Variants in KY observed in about 807,000 individuals in gnomAD.
The protein encoded by KY is kyphoscoliosis peptidase.
KY carries 43 observed loss-of-function variants against 76.1 expected under a neutral mutation model. That is an observed-to-expected ratio of 0.57 (90% CI 0.44 to 0.73). KY has a LOEUF of 0.73. Among genes scored for constraint, KY ranks in the 30% least tolerant of loss-of-function variants. KY has a pLI of 0.00. For synonymous variants in KY, 277 were observed against 326.2 expected (o/e 0.85, Z 1.63); for missense variants, 722 against 828.9 (o/e 0.87, Z 1.58).
chr3:134,608,438 A>G (rs1959640638), intron 10 of KY: 1 of 1,514,176 alleles, frequency 6.6e-7, no homozygotes, highest in Non-Finnish European at 8.8e-7. Flanking sequence ...GTCCCTGCTG[A>G]TGTGGCCTAT....
chr3:134,611,819 GCCTCC>G (rs1487498369), intron 8 of KY, among the ~76,000 whole-genome samples: 1 of 152,236 alleles, frequency 6.6e-6, no homozygotes, highest in East Asian at 1.9e-4. Context: ...GGGCCACGGA[GCCTCC>G]CAGGGGAATG....
chr3:134,614,911 G>A (rs1418722930), intron 8 of KY, among the ~76,000 whole-genome samples: 2 of 152,182 alleles, frequency 1.3e-5, no homozygotes, highest in African/African-American at 4.8e-5. Flanking sequence ...CCTAGGATGT[G>A]TGAGCCAAGT....
intron 1 of KY, among the ~76,000 whole-genome samples, chr3:134,649,821 A>G (rs534640306): frequency 5.8e-4 from 88 of 152,368 alleles, no homozygotes; most frequent in African/African-American, 2.1e-3. Context: ...TGGATGTTCA[A>G]TGAGCACAGA....
chr3:134,647,715 G>T (rs183949622), intron 1 of KY, among the ~76,000 whole-genome samples: 266 of 152,338 alleles, frequency 1.7e-3, no homozygotes, highest in African/African-American at 6.1e-3. Context: ...GGGCAGCAGG[G>T]TTGGTTATCA....
At chr3:134,641,721 C>G (rs1291557304) in intron 3 of KY, among the ~76,000 whole-genome samples, 1 of 152,124 alleles carries the variant, frequency 6.6e-6, no homozygotes, top group Non-Finnish European at 1.5e-5. Context: ...CCCGCACAGC[C>G]CCAGACCCCA....
intron 10 of KY, among the ~76,000 whole-genome samples, chr3:134,605,208 C>A (rs2107740309): frequency 1.3e-5 from 2 of 152,260 alleles, no homozygotes; most frequent in South Asian, 4.2e-4. Flanking sequence ...GTTCTCCAGT[C>A]TTTGTAGCCC....
At chr3:134,643,186 A>G in intron 3 of KY, 130 bp downstream of exon 3, 2 of 762,314 alleles carry the variant, frequency 2.6e-6, no homozygotes, top group South Asian at 1.8e-5. Flanking sequence ...GGGTTTTCCA[A>G]CACCCATGGG....
chr3:134,612,039 A>G (rs920591548), intron 8 of KY, among the ~76,000 whole-genome samples: 1 of 152,218 alleles, frequency 6.6e-6, no homozygotes, highest in African/African-American at 2.4e-5. Flanking sequence ...CATGCATGCA[A>G]TGATGAGGTG....
Position 134,601,420 on chromosome 3 carries a change from G to A in KY, c.*2159C>T, listed in dbSNP as rs1958958282. On this transcript the variant is annotated 3_prime_UTR_variant, in exon 11 of 11. Coordinates refer to ENST00000423778, the MANE Select transcript of KY (RefSeq NM_178554.6). ...GAAAAGGTATGGGGGTCTCCAGCAG[G>A]ACTAAGCGAGGCAGCCAGCGCGGGG... Among the ~76,000 whole-genome samples the A allele has an allele frequency of 6.6e-6, 1 of 152,224 alleles. No homozygotes were observed. The highest frequency in any genetic ancestry group is 2.1e-4 in the South Asian group (1 of 4,832).
rs749501932 is a variant in KY, at chr3:134,643,326, G to A, written c.252C>T (p.Tyr84=). 3 of 1,613,806 alleles carry A rather than the reference G, an allele frequency of 1.9e-6. No homozygotes were observed. Among genetic ancestry groups the A allele is most frequent in the Non-Finnish European group, 2.5e-6 (3 of 1,179,878 alleles). The change falls in exon 3 of 11, where the codon TAC becomes TAT. Residue 84 remains tyrosine (Y), a synonymous_variant. Coordinates refer to ENST00000423778, the MANE Select transcript of KY (RefSeq NM_178554.6). ...CGGCGAATCACTTACCTTGGCTGTT[G>A]TAGGAAGTGATGACCTGGGGCTGCT... The part of the protein sequence containing the change: ...HPQQPQVITS[Y]NSQGTQLTVE...
intron 10 of KY, chr3:134,607,732 C>T: frequency 2.0e-6 from 2 of 985,822 alleles, no homozygotes; most frequent in Non-Finnish European, 2.4e-6. Flanking sequence ...TGCCATGGCT[C>T]CGTGGTGAAG....
intron 1 of KY, among the ~76,000 whole-genome samples, chr3:134,648,793 T>C (rs1966744525): frequency 6.6e-6 from 1 of 152,220 alleles, no homozygotes; most frequent in African/African-American, 2.4e-5. Context: ...ATCCTCTGCA[T>C]TGCAACAATA....
chr3:134,612,694 G>A (rs1159551645), intron 8 of KY, among the ~76,000 whole-genome samples: 2 of 151,258 alleles, frequency 1.3e-5, no homozygotes, highest in East Asian at 2.0e-4. Flanking sequence ...CCCCTGACAC[G>A]ATGTGAACTG....
rs1478312151 is a variant in KY, at chr3:134,643,371, C to G, written c.207G>C (p.Leu69Phe). 1 of 1,613,862 alleles carries G rather than the reference C, an allele frequency of 6.2e-7. No homozygotes were observed. The highest frequency in any genetic ancestry group is 8.5e-7 in the Non-Finnish European group (1 of 1,179,812). Residue 69 changes from leucine (L) to phenylalanine (F), a missense_variant, in exon 3 of 11, where the codon TTG becomes TTC. Around this residue, in one of 2 missense-constraint regions of KY, gnomAD observed 170 missense variants for 148.1 expected, o/e 1.15. Transcript: ENST00000423778. ...GCTGCTGAGGGTGCTGCTTCTCCACCAAGTTTTCTATTTAAGGAAGACAGA... is the reference window on the plus strand; with the variant it reads ...GCTGCTGAGGGTGCTGCTTCTCCACGAAGTTTTCTATTTAAGGAAGACAGA... ...KLEGNDFHENLVEKQHPQQPQ... is the reference protein window; with the variant it reads ...KLEGNDFHENFVEKQHPQQPQ...
At chr3:134,625,176 T>G (rs562347805) in intron 5 of KY, 41 bp from the exon 6 acceptor site, 1 of 1,500,294 alleles carries the variant, frequency 6.7e-7, no homozygotes, top group African/African-American at 1.4e-5. Context: ...TGAGACCCAC[T>G]GAAGAGGGCT....
chr3:134,651,015 C>G lies in KY; in HGVS notation c.-55G>C, dbSNP rs1360914931. 2.5e-6 allele frequency: 4 copies of G among 1,609,480 alleles called. No homozygotes were observed. The highest frequency in any genetic ancestry group is 3.4e-6 in the Non-Finnish European group (4 of 1,178,074). On this transcript the variant is annotated 5_prime_UTR_variant, in exon 1 of 11. Transcript: ENST00000423778. ...GCGGCCGCACGCTAGGCTGCTTGCG[C>G]TGCAAATGGCCCCGTGCGCGCAGCT...
intron 2 of KY, among the ~76,000 whole-genome samples, chr3:134,646,338 G>A (rs1426924705): frequency 2.0e-5 from 3 of 152,142 alleles, no homozygotes; most frequent in African/African-American, 7.2e-5. Context: ...GGGTGGGGAT[G>A]GGGAGTGTGT....
chr3:134,645,229 A>T (rs1050000337), intron 2 of KY, among the ~76,000 whole-genome samples: 3 of 152,138 alleles, frequency 2.0e-5, no homozygotes, highest in African/African-American at 7.2e-5. Context: ...GTGGGGTAGG[A>T]GGGTGAGGAG....
intron 5 of KY, among the ~76,000 whole-genome samples, chr3:134,626,008 G>A (rs1963391749): frequency 1.3e-5 from 2 of 152,246 alleles, no homozygotes; most frequent in Admixed American, 6.5e-5. Context: ...CCTGGCCAAT[G>A]GTTAGACCAA....
Sources: allele counts gnomAD v4.1 joint callset (sites outside exome capture counted in the v4.1 genomes callset), GRCh38; gene constraint gnomAD v4.1.1; regional missense constraint gnomAD v4.1.1; transcripts MANE v1.5; gene names NCBI Gene and HGNC (gene_info 2026-07-23, HGNC 2026-07-21).